Variants in PCSK1 observed in about 807,000 individuals in gnomAD.
PCSK1 encodes proprotein convertase subtilisin/kexin type 1.
A neutral mutation model predicts 90.6 loss-of-function variants in PCSK1; 56 were observed. That is an observed-to-expected ratio of 0.62 (90% CI 0.50 to 0.77). The LOEUF (loss-of-function observed/expected upper bound fraction) is 0.77, where lower values mean the gene tolerates loss of function less well. PCSK1 is among the 30% of genes least tolerant of loss of function. The probability of loss-of-function intolerance (pLI) is 0.00; values close to 1 mark genes in which losing one functional copy is unlikely to be tolerated. For synonymous variants in PCSK1, 348 were observed against 342.4 expected, an observed-to-expected ratio of 1.02 and a Z score of -0.18; for missense variants, 801 against 932.6, an observed-to-expected ratio of 0.86 and a Z score of 1.84.
At chr5:96,428,589 A>G (rs2112449372) in intron 2 of PCSK1, among the ~76,000 whole-genome samples, 1 of 152,216 alleles carries the variant, frequency 6.6e-6, no homozygotes, top group East Asian at 1.9e-4. Flanking sequence ...CATTGAACCA[A>G]GATACAAACT....
At chr5:96,424,171 C>T (rs530163101) in intron 3 of PCSK1, among the ~76,000 whole-genome samples, 139 of 152,178 alleles carry the variant, frequency 9.1e-4, no homozygotes, top group African/African-American at 3.1e-3. Flanking sequence ...ATGCCAGGTA[C>T]CCGGTGAAAG....
chr5:96,401,252 G>A (rs1409722816), intron 9 of PCSK1, among the ~76,000 whole-genome samples: 1 of 152,150 alleles, frequency 6.6e-6, no homozygotes, highest in Non-Finnish European at 1.5e-5. Flanking sequence ...AACTTTGTGG[G>A]GGAGAAATAT....
chr5:96,413,296 T>C (rs1760832168), intron 6 of PCSK1, among the ~76,000 whole-genome samples: 2 of 152,152 alleles, frequency 1.3e-5, no homozygotes, highest in Admixed American at 6.5e-5. Context: ...CTGTCACCCG[T>C]CATCAGACTT....
rs1761256953 is a variant in PCSK1, at chr5:96,425,045, AAAGAAAGAAAG to A, written c.396+764_396+774del. Among the ~76,000 whole-genome samples the A allele has an allele frequency of 1.2e-4, 17 of 143,928 alleles. No individual in the cohort carries two copies. In the Admixed American group the frequency reaches 1.3e-3, roughly 11 times the overall value. 94.4% of individuals were successfully genotyped at this position (143,928 alleles called of 152,430 possible). A position where few individuals can be genotyped will look rare whatever the true frequency, so the allele number is the denominator to read the frequency against. On this transcript the variant is annotated intron_variant, in intron 3 of 13. Coordinates refer to ENST00000311106, the MANE Select transcript of PCSK1 (RefSeq NM_000439.5). ...GAAAGAAAGAAAGAAAGAAAGAAAG[AAAGAAAGAAAG>A]AAAGAAAGAAAGAAAGAAAACGTAG... is the stretch of plus-strand genomic sequence containing the variant.
intron 1 of PCSK1, chr5:96,432,098 G>A: frequency 6.5e-7 from 1 of 1,534,908 alleles, no homozygotes; most frequent in Non-Finnish European, 8.7e-7. Flanking sequence ...TGAAGAACAA[G>A]AAAGAAATAG....
intron 7 of PCSK1, 71 bp downstream of exon 7, chr5:96,412,247 G>T: frequency 8.0e-7 from 1 of 1,248,346 alleles, no homozygotes; most frequent in Non-Finnish European, 1.2e-6. Flanking sequence ...TGTAACCTAA[G>T]TGTTCTTTCC....
chr5:96,418,752 C>A (rs529540774), intron 5 of PCSK1, among the ~76,000 whole-genome samples: 1 of 152,056 alleles, frequency 6.6e-6, no homozygotes, highest in African/African-American at 2.4e-5. Flanking sequence ...TTTTATTATA[C>A]CTTCTGATAA....
chr5:96,412,223 A>G, intron 7 of PCSK1, 95 bp downstream of exon 7: 1 of 1,082,186 alleles, frequency 9.2e-7, no homozygotes, highest in Non-Finnish European at 1.4e-6. Flanking sequence ...GAAATCCACA[A>G]CAATGTTATT....
At chr5:96,430,714 A>T (rs1295909690) in intron 1 of PCSK1, among the ~76,000 whole-genome samples, 1 of 152,214 alleles carries the variant, frequency 6.6e-6, no homozygotes, top group Non-Finnish European at 1.5e-5. Flanking sequence ...TAATAAAATA[A>T]TTTTGTTAAG....
At chr5:96,417,905 A>T (rs1157308100) in intron 5 of PCSK1, among the ~76,000 whole-genome samples, 1 of 152,204 alleles carries the variant, frequency 6.6e-6, no homozygotes, top group Non-Finnish European at 1.5e-5. Flanking sequence ...ATGTACTTCC[A>T]GAAGTCACCA....
intron 9 of PCSK1, among the ~76,000 whole-genome samples, 173 bp from the exon 10 acceptor site, chr5:96,400,359 A>G (rs1760313423): frequency 6.6e-6 from 1 of 152,258 alleles, no homozygotes; most frequent in South Asian, 2.1e-4. Flanking sequence ...AGAATTCAGA[A>G]TACAGAGCTG....
At chr5:96,406,596 A>G (rs1022997016) in intron 9 of PCSK1, among the ~76,000 whole-genome samples, 1 of 152,228 alleles carries the variant, frequency 6.6e-6, no homozygotes, top group Non-Finnish European at 1.5e-5. Context: ...CTCCATAGGA[A>G]GCCCCAGGGA....
rs1201095588 is a variant in PCSK1, at chr5:96,421,964, GAC to G, written c.544-10_544-9del. 1.5e-6 allele frequency: 1 copy of G among 658,050 alleles called. No homozygotes were observed. The highest frequency in any genetic ancestry group is 5.2e-5 in the East Asian group (1 of 19,110). The allele number at this position is 658,050 out of a possible 1,614,324, so 40.8% of individuals were successfully genotyped here. A position where few individuals can be genotyped will look rare whatever the true frequency, so the allele number is the denominator to read the frequency against. ...ATAGCTAGCCTCTGGATCCTAAAGA[GAC>G]AACAAAATATAACACTGTGGCAGCA... On this transcript the variant is annotated splice_polypyrimidine_tract_variant and intron_variant, in intron 4 of 13. Coordinates refer to ENST00000311106, the MANE Select transcript of PCSK1 (RefSeq NM_000439.5).
chr5:96,431,014 T>C (rs946563989), intron 1 of PCSK1, among the ~76,000 whole-genome samples: 3 of 152,198 alleles, frequency 2.0e-5, no homozygotes, highest in African/African-American at 4.8e-5. Flanking sequence ...ATTTAGTTTT[T>C]GCTGTCTTCC....
chr5:96,420,488 G>A (rs949965950), intron 5 of PCSK1, among the ~76,000 whole-genome samples: 1 of 152,144 alleles, frequency 6.6e-6, no homozygotes, highest in Non-Finnish European at 1.5e-5. Flanking sequence ...GATATTTGCG[G>A]TTAACCCCTT....
At chr5:96,401,744 G>C (rs1387435656) in intron 9 of PCSK1, among the ~76,000 whole-genome samples, 1 of 152,044 alleles carries the variant, frequency 6.6e-6, no homozygotes. Flanking sequence ...GTGTTTTGTT[G>C]ATGTCTCTCT....
At chr5:96,423,166 TG>T in intron 4 of PCSK1, 146 bp downstream of exon 4, 1 of 741,734 alleles carries the variant, frequency 1.3e-6, no homozygotes, top group Non-Finnish European at 2.4e-6. Context: ...TATAAGCTAG[TG>T]GGAAGTGGGA....
At chr5:96,398,857 G>T (rs201164737) in intron 11 of PCSK1, 22 bp downstream of exon 11, 2 of 1,593,790 alleles carry the variant, frequency 1.3e-6, no homozygotes, top group South Asian at 1.1e-5. Context: ...AATATAAATG[G>T]CTTAGAACTT....
In PCSK1 at chr5:96,390,609, T is replaced by C. The variant is rs942309623; in HGVS notation, c.*2392A>G. ...AAATATTTTATTGGGTGAAACTTTC[T>C]TATTCTCAGGAAAACTTTTGGTTCT... On this transcript the variant is annotated 3_prime_UTR_variant, in exon 14 of 14. Coordinates refer to ENST00000311106, the MANE Select transcript of PCSK1 (RefSeq NM_000439.5). The C allele has an allele frequency of 6.6e-6, 1 of 152,662 alleles. No homozygotes were observed. The highest frequency in any genetic ancestry group is 1.5e-5 in the Non-Finnish European group (1 of 68,040). The allele number at this position is 152,662 out of a possible 1,614,324, so 9.5% of individuals were successfully genotyped here. A position where few individuals can be genotyped will look rare whatever the true frequency, so the allele number is the denominator to read the frequency against.
Sources: allele counts gnomAD v4.1 joint callset (sites outside exome capture counted in the v4.1 genomes callset), GRCh38; gene constraint gnomAD v4.1.1; transcripts MANE v1.5; gene names NCBI Gene and HGNC (gene_info 2026-07-23, HGNC 2026-07-21).